Variants in BANP observed in about 807,000 individuals in gnomAD.
The protein encoded by BANP is BTG3 associated nuclear protein.
In BANP, 11 loss-of-function variants were observed where a neutral mutation model predicts 68.1. That is an observed-to-expected ratio of 0.16 (90% CI 0.10 to 0.27). The LOEUF is 0.27. Ranked by LOEUF, BANP falls within the 10% of genes least tolerant of loss-of-function variation. BANP has a pLI of 1.00. For synonymous variants in BANP, 329 were observed against 303.2 expected (o/e 1.09, Z -0.88); for missense variants, 504 against 722.7 (o/e 0.70, Z 3.47).
intron 11 of BANP, among the ~76,000 whole-genome samples, chr16:88,042,894 G>A (rs113280365): frequency 2.2e-4 from 33 of 152,354 alleles, no homozygotes; most frequent in African/African-American, 5.1e-4. Context: ...TCCAGCCTGG[G>A]CAACAGAGCA....
rs191754684 is a variant in BANP at position 87,971,260 on chromosome 16, T to A, written c.-68-3788T>A. Among the ~76,000 whole-genome samples the A allele has an allele frequency of 3.4e-3, 516 of 151,806 alleles. 4 individuals carry two copies. Among genetic ancestry groups the A allele is most frequent in the African/African-American group, 0.012 (493 of 41,398 alleles). On this transcript the variant is annotated intron_variant, in intron 1 of 13. Transcript: ENST00000682872. Reference sequence around the variant, plus strand: ...TGTGTCTGCGTTTAGCACATAGCCTTCATCTCCTCTGTCTCAGTCCTGCGT... The same window carrying A: ...TGTGTCTGCGTTTAGCACATAGCCTACATCTCCTCTGTCTCAGTCCTGCGT...
chr16:87,951,110 C>G (rs1234633343), upstream of BANP, among the ~76,000 whole-genome samples: 1 of 152,208 alleles, frequency 6.6e-6, no homozygotes, highest in East Asian at 1.9e-4. Flanking sequence ...GCAGGGCACC[C>G]TGGGAGGTGT....
intron 2 of BANP, 107 bp from the exon 3 acceptor site, chr16:87,980,929 T>G (rs1392433181): frequency 1.4e-6 from 1 of 734,462 alleles, no homozygotes; most frequent in East Asian, 2.7e-5. Context: ...GGTTCTGCTG[T>G]TTCTCCTTCA....
At chr16:88,005,105 G>T (rs543365657) in intron 5 of BANP, among the ~76,000 whole-genome samples, 1 of 152,280 alleles carries the variant, frequency 6.6e-6, no homozygotes, top group African/African-American at 2.4e-5. Context: ...TCCCCTTTCT[G>T]TATTGTCTTA....
chr16:87,972,609 G>A (rs1202267162), intron 1 of BANP, among the ~76,000 whole-genome samples: 3 of 152,152 alleles, frequency 2.0e-5, no homozygotes, highest in African/African-American at 7.2e-5. Context: ...TGCTCAGAAG[G>A]GAGGCTTGGT....
intron 7 of BANP, among the ~76,000 whole-genome samples, chr16:88,024,678 G>A (rs2076639805): frequency 6.6e-6 from 1 of 152,250 alleles, no homozygotes; most frequent in Non-Finnish European, 1.5e-5. Flanking sequence ...TCTGCGGGCA[G>A]CACTTGGGCG....
chr16:87,996,691 C>T (rs1473089955), intron 4 of BANP, among the ~76,000 whole-genome samples: 8 of 151,660 alleles, frequency 5.3e-5, no homozygotes, highest in African/African-American at 1.7e-4. Flanking sequence ...TCGTCCTGGG[C>T]GCCGGCTGGG....
chr16:88,060,144 C>T (rs994460010), intron 11 of BANP, among the ~76,000 whole-genome samples: 2 of 152,282 alleles, frequency 1.3e-5, no homozygotes, highest in African/African-American at 2.4e-5. Flanking sequence ...CAAAGGTGCT[C>T]TTAGCCACCA....
rs1434233079 is a variant in BANP at position 88,003,818 on chromosome 16, C to T, written c.363-477C>T. On this transcript the variant is annotated intron_variant, in intron 4 of 13. Transcript: ENST00000682872. This position sits in a 1 kb window ranked among gnomAD's most constrained non-coding sequence, Gnocchi z 6.1. ...TTGCCCCTTTCTTTCCAGGGCGCTA[C>T]CGTTTTGGAATGATACCAACACTTA... 1 of 309,854 alleles carries T rather than the reference C, an allele frequency of 3.2e-6. No individual in the cohort carries two copies. Among genetic ancestry groups the T allele is most frequent in the African/African-American group, 2.2e-5 (1 of 45,674 alleles). 19.2% of individuals were successfully genotyped at this position (309,854 alleles called of 1,614,324 possible). A position where few individuals can be genotyped will look rare whatever the true frequency, so the allele number is the denominator to read the frequency against.
At chr16:88,065,573 G>A (rs114144048) in intron 12 of BANP, among the ~76,000 whole-genome samples, 1,925 of 152,248 alleles carry the variant, frequency 0.013, 36 homozygotes, top group African/African-American at 0.037. Context: ...CCAGCACAGC[G>A]AGCTGGGGTG....
chr16:87,962,632 C>T (rs1016333391), intron 1 of BANP, among the ~76,000 whole-genome samples: 2 of 152,190 alleles, frequency 1.3e-5, no homozygotes, highest in African/African-American at 4.8e-5. Context: ...CACTTACTTA[C>T]AAATTTGAAT....
At chr16:88,058,313 G>A (rs2085688788) in intron 11 of BANP, among the ~76,000 whole-genome samples, 1 of 152,224 alleles carries the variant, frequency 6.6e-6, no homozygotes, top group African/African-American at 2.4e-5. Flanking sequence ...TCACGCAGGT[G>A]GGCCCGAGGA....
intron 11 of BANP, among the ~76,000 whole-genome samples, chr16:88,051,840 TA>T (rs1302176115): frequency 6.6e-6 from 1 of 152,222 alleles, no homozygotes; most frequent in African/African-American, 2.4e-5. Flanking sequence ...TTTCCTATAT[TA>T]AAAAATCTAG....
chr16:88,001,148 TTACC>T (rs1225666695), intron 4 of BANP, among the ~76,000 whole-genome samples: 1 of 107,738 alleles, frequency 9.3e-6, no homozygotes, highest in African/African-American at 4.0e-5. Context: ...GCGGCTGTAC[TTACC>T]TGTCCTTCCA....
intron 11 of BANP, among the ~76,000 whole-genome samples, chr16:88,060,647 C>G (rs1285577734): frequency 6.6e-6 from 1 of 152,204 alleles, no homozygotes; most frequent in Admixed American, 6.5e-5. Flanking sequence ...TGGCCTCTTT[C>G]TGTGGGGAGC....
Position 88,035,391 on chromosome 16 carries a change from C to G in BANP, c.1269C>G (p.Ser423Arg). 3 of 1,608,316 alleles carry G rather than the reference C, an allele frequency of 1.9e-6. No individual in the cohort carries two copies. Among genetic ancestry groups the G allele is most frequent in the Non-Finnish European group, 2.5e-6 (3 of 1,177,768 alleles). ...AGCAAGTCCAGATCACGCAGGACAG[C>G]GAGGTGAGTCAGCTCTCGCTGCAGC... Reference protein sequence around the residue: ...QGEQVQITQDSEGNLQIHHVG... With the variant: ...QGEQVQITQDREGNLQIHHVG... Residue 423 changes from serine (S) to arginine (R), a missense_variant, in exon 10 of 14, where the codon AGC becomes AGG. Physicochemically the swap from Ser to Arg is moderately radical, Grantham distance 110. Transcript: ENST00000682872.
intron 4 of BANP, among the ~76,000 whole-genome samples, chr16:87,999,199 T>G (rs1419113423): frequency 5.2e-4 from 66 of 126,754 alleles, no homozygotes; most frequent in South Asian, 1.1e-3. Flanking sequence ...TGCGCGGCTG[T>G]ACTTACCAGG....
chr16:87,952,648 C>G (rs2057192882), intron 1 of BANP: 1 of 152,196 alleles, frequency 6.6e-6, no homozygotes, highest in Non-Finnish European at 1.5e-5. Flanking sequence ...ACGCAGCTCG[C>G]AGATATCCAG....
intron 13 of BANP, among the ~76,000 whole-genome samples, chr16:88,074,270 C>T (rs961407898): frequency 3.3e-5 from 5 of 152,186 alleles, no homozygotes; most frequent in African/African-American, 9.7e-5. Flanking sequence ...AGCAGGGTCA[C>T]GCGCTTGAGC....
Sources: gnomAD v4.1 joint callset for allele counts (sites outside exome capture counted in the v4.1 genomes callset) on GRCh38, gnomAD v4.1.1 for gene constraint, Gnocchi (gnomAD v3.1) non-coding constraint, MANE v1.5 for transcripts, NCBI Gene and HGNC (gene_info 2026-07-23, HGNC 2026-07-21) for gene names.